The following IP6K1 variants were observed in gnomAD, a reference collection of about 807,000 sequenced individuals.
The protein encoded by IP6K1 is ATP:1D-myo-inositol-hexakisphosphate phosphotransferase.
Under a neutral mutation model 38.3 loss-of-function variants are expected in IP6K1, and 13 were observed. The ratio of observed to expected loss-of-function variants is 0.34; its 90% CI spans 0.22 to 0.54. IP6K1 has a LOEUF of 0.54. Among genes scored for constraint, IP6K1 ranks in the 20% least tolerant of loss-of-function variants. The probability of loss-of-function intolerance (pLI) is 0.92; values close to 1 mark genes in which losing one functional copy is unlikely to be tolerated. For synonymous variants in IP6K1, 212 were observed against 229.9 expected (o/e 0.92, Z 0.70); for missense variants, 397 against 599.8 (o/e 0.66, Z 3.53).
chr3:49,729,785 A>C (rs948824051), intron 4 of IP6K1, among the ~76,000 whole-genome samples: 1 of 152,004 alleles, frequency 6.6e-6, no homozygotes. Flanking sequence ...GCTGGAGTGC[A>C]GTGGCTGGAT....
At chr3:49,738,663 T>G (rs574709441) in intron 2 of IP6K1, among the ~76,000 whole-genome samples, 1 of 152,340 alleles carries the variant, frequency 6.6e-6, no homozygotes, top group Non-Finnish European at 1.5e-5. Context: ...TCCCCTTCTC[T>G]TATCTGGCCC....
At chr3:49,784,609 C>T (rs2081094874) in intron 1 of IP6K1, among the ~76,000 whole-genome samples, 1 of 146,776 alleles carries the variant, frequency 6.8e-6, no homozygotes, top group Non-Finnish European at 1.5e-5. Flanking sequence ...TGTGCCATTG[C>T]ACTCCAGCCT....
intron 2 of IP6K1, among the ~76,000 whole-genome samples, chr3:49,744,541 T>A (rs2080705284): frequency 6.6e-6 from 1 of 152,078 alleles, no homozygotes; most frequent in Admixed American, 6.6e-5. Flanking sequence ...TTCAATTCCT[T>A]TAAAGTTAGC....
intron 3 of IP6K1, 122 bp downstream of exon 3, chr3:49,738,090 A>G: frequency 1.3e-6 from 1 of 745,466 alleles, no homozygotes; most frequent in Non-Finnish European, 2.3e-6. Context: ...CTGTGTGGGT[A>G]TCCCAAGAAC....
chr3:49,764,080 T>TA (rs1427509965), intron 1 of IP6K1, among the ~76,000 whole-genome samples: 1 of 151,360 alleles, frequency 6.6e-6, no homozygotes, highest in Non-Finnish European at 1.5e-5. Flanking sequence ...TAATAAAGGG[T>TA]ATTTATGAAA....
chr3:49,738,756 C>T (rs887971225), intron 2 of IP6K1, among the ~76,000 whole-genome samples: 5 of 152,126 alleles, frequency 3.3e-5, no homozygotes, highest in African/African-American at 1.2e-4. Flanking sequence ...ATCACTTAAC[C>T]CTCTAGTTAC....
chr3:49,730,723 T>C (rs968658644), intron 4 of IP6K1, among the ~76,000 whole-genome samples: 3 of 147,482 alleles, frequency 2.0e-5, no homozygotes, highest in Non-Finnish European at 3.0e-5. Context: ...ATTTTTTGTA[T>C]TTTTTTTTTT....
At chr3:49,777,345 T>C (rs1417734762) in intron 1 of IP6K1, among the ~76,000 whole-genome samples, 1 of 151,902 alleles carries the variant, frequency 6.6e-6, no homozygotes, top group Non-Finnish European at 1.5e-5. Flanking sequence ...ATGGATTGCC[T>C]GAGGTCAAGA....
chr3:49,774,404 T>A, intron 1 of IP6K1, among the ~76,000 whole-genome samples: 2 of 69,138 alleles, frequency 2.9e-5, no homozygotes, highest in African/African-American at 6.0e-5. Context: ...CTAGACTCCA[T>A]CTCAAAAAAA....
At chr3:49,748,422 G>A (rs1344783787) in intron 1 of IP6K1, among the ~76,000 whole-genome samples, 1 of 152,086 alleles carries the variant, frequency 6.6e-6, no homozygotes. Context: ...TCCCTTCTGA[G>A]TTATCTAAAG....
At chr3:49,783,185 C>T (rs144073953) in intron 1 of IP6K1, among the ~76,000 whole-genome samples, 141 of 151,406 alleles carry the variant, frequency 9.3e-4, no homozygotes, top group African/African-American at 3.3e-3. Context: ...GAGGCCAAGA[C>T]AGGAGGATCA....
intron 1 of IP6K1, among the ~76,000 whole-genome samples, chr3:49,784,531 G>A (rs758642740): frequency 1.3e-5 from 2 of 151,994 alleles, no homozygotes; most frequent in Non-Finnish European, 2.9e-5. Context: ...TGTAATCCCA[G>A]CTACTTGGGA....
intron 4 of IP6K1, among the ~76,000 whole-genome samples, chr3:49,730,511 C>A (rs895025927): frequency 3.9e-5 from 6 of 152,184 alleles, no homozygotes; most frequent in Non-Finnish European, 8.8e-5. Flanking sequence ...TTCTAACATT[C>A]CCAAATAGGA....
At chr3:49,761,222 G>A in intron 1 of IP6K1, among the ~76,000 whole-genome samples, 1 of 152,286 alleles carries the variant, frequency 6.6e-6, no homozygotes, top group South Asian at 2.1e-4. Context: ...GGCCGAGGCA[G>A]GAGAATCACT....
At chr3:49,738,477 A>T in intron 2 of IP6K1, 55 bp from the exon 3 acceptor site, 6 of 1,376,818 alleles carry the variant, frequency 4.4e-6, no homozygotes, top group South Asian at 1.2e-5. Context: ...GAGTCTATGC[A>T]GCACAGACTG....
intron 1 of IP6K1, among the ~76,000 whole-genome samples, chr3:49,753,079 A>G (rs1008375240): frequency 1.3e-5 from 2 of 152,030 alleles, no homozygotes; most frequent in East Asian, 3.9e-4. Context: ...ACTTTTTGCC[A>G]TGAGACTGTC....
intron 2 of IP6K1, among the ~76,000 whole-genome samples, chr3:49,743,234 A>T (rs2080687144): frequency 7.9e-6 from 1 of 125,964 alleles, no homozygotes; most frequent in Non-Finnish European, 1.6e-5. Flanking sequence ...CAAAAACAAA[A>T]ACAAAATACA....
chr3:49,749,593 TG>T (rs986950671), intron 1 of IP6K1, among the ~76,000 whole-genome samples: 1 of 152,088 alleles, frequency 6.6e-6, no homozygotes, highest in Non-Finnish European at 1.5e-5. Flanking sequence ...ATGGACAAAA[TG>T]GGGTACAAAA....
rs749747933 is a variant in IP6K1 at position 49,727,395 on chromosome 3, G to A, written c.1053C>T (p.Asp351=). ...GKECRAESCL[D]RRSEMRLKHL... ...GCTTGAGACGCATCTCAGACCGGCGGTCCAGGCAGGACTCAGCCCGGCACT... is the reference window on the plus strand; with the variant it reads ...GCTTGAGACGCATCTCAGACCGGCGATCCAGGCAGGACTCAGCCCGGCACT... The change falls in exon 6 of 6, where the codon GAC becomes GAT. Residue 351 remains aspartate, a synonymous_variant. Transcript: ENST00000321599. This position sits in a 1 kb window ranked among gnomAD's most constrained non-coding sequence, Gnocchi z 5.9. 17 of 1,613,948 alleles carry A rather than the reference G, an allele frequency of 1.1e-5. No homozygotes were observed. The Admixed American group carries it at 2.8e-4, about 27-fold the overall frequency.
Sources: allele counts gnomAD v4.1 joint callset (sites outside exome capture counted in the v4.1 genomes callset), GRCh38; gene constraint gnomAD v4.1.1; non-coding constraint Gnocchi (gnomAD v3.1); transcripts MANE v1.5; gene names NCBI Gene and HGNC (gene_info 2026-07-23, HGNC 2026-07-21).